Variants in NYAP2 observed in about 807,000 individuals in gnomAD.
The protein encoded by NYAP2 is neuronal tyrosine-phosphorylated phosphoinositide-3-kinase adapter 2.
In NYAP2, 23 loss-of-function variants were observed where a neutral mutation model predicts 50.4. That is an observed-to-expected ratio of 0.46 (90% confidence interval 0.33 to 0.65). The LOEUF is 0.65. Among genes scored for constraint, NYAP2 ranks in the 30% least tolerant of loss-of-function variants. The probability of loss-of-function intolerance (pLI) is 0.02; values close to 1 mark genes in which losing one functional copy is unlikely to be tolerated. For missense variants in NYAP2, 885 were observed against 861.0 expected (o/e 1.03, Z -0.35); for synonymous variants, 394 against 365.2 (o/e 1.08, Z -0.90).
Position 225,582,884 on chromosome 2 carries a change from C to T in NYAP2, c.1467C>T (p.Asn489=), listed in dbSNP as rs769528707. The stretch of plus-strand genomic sequence containing the variant: ...CGCAAGATGGGGCCAAGATGGTCAA[C>T]GCCGCGGTGAACACCTACGGGGCAG... Residue 489 remains asparagine (N), a synonymous_variant, in exon 5 of 7, where the codon AAC becomes AAT. Transcript: ENST00000636099. This position sits in a 1 kb window ranked among gnomAD's most constrained non-coding sequence, Gnocchi z 7.0. 1.9e-6 allele frequency: 3 copies of T among 1,613,648 alleles called. No homozygotes were observed. Among genetic ancestry groups the T allele is most frequent in the East Asian group, 2.2e-5 (1 of 44,878 alleles).
intron 4 of NYAP2, among the ~76,000 whole-genome samples, chr2:225,567,163 A>G (rs902843716): frequency 2.0e-5 from 3 of 152,158 alleles, no homozygotes; most frequent in African/African-American, 7.2e-5. Flanking sequence ...ATGGTAACAC[A>G]ATGGTAAGTA....
At chr2:225,526,044 A>G (rs1574658862) in intron 4 of NYAP2, among the ~76,000 whole-genome samples, 1 of 152,286 alleles carries the variant, frequency 6.6e-6, no homozygotes, top group Admixed American at 6.5e-5. Flanking sequence ...TCTGCCAACA[A>G]TGAGTGAGCC....
At chr2:225,555,463 C>T (rs1185127142) in intron 4 of NYAP2, among the ~76,000 whole-genome samples, 9 of 152,040 alleles carry the variant, frequency 5.9e-5, no homozygotes, top group Non-Finnish European at 1.3e-4. Flanking sequence ...TAGTGATAGT[C>T]TCAGGTTAAT....
chr2:225,530,492 T>C (rs1488277790), intron 4 of NYAP2, among the ~76,000 whole-genome samples: 1 of 152,202 alleles, frequency 6.6e-6, no homozygotes, highest in Non-Finnish European at 1.5e-5. Context: ...CCTCCATACT[T>C]CCTAAATCCC....
chr2:225,484,969 T>C (rs1262716689), intron 3 of NYAP2, among the ~76,000 whole-genome samples: 1 of 152,212 alleles, frequency 6.6e-6, no homozygotes, highest in Non-Finnish European at 1.5e-5. Context: ...AGAACCCCTG[T>C]GGGTAATTTT....
At chr2:225,491,607 C>T (rs1404694021) in intron 3 of NYAP2, among the ~76,000 whole-genome samples, 1 of 152,048 alleles carries the variant, frequency 6.6e-6, no homozygotes, top group Non-Finnish European at 1.5e-5. Flanking sequence ...GTACTATTTC[C>T]CCTCCTCCAA....
Position 225,582,979 on chromosome 2 carries a change from G to C in NYAP2, c.1562G>C (p.Gly521Ala). ...GAGCTGACCAGCCTCTTCTCCTCCG[G>C]CCGCAGCCTGCTGCGCAAGTCGTCC... Residue 521 changes from glycine (G) to alanine (A), a missense_variant, in exon 5 of 7, where the codon GGC becomes GCC. Transcript: ENST00000636099. This position sits in a 1 kb window ranked among gnomAD's most constrained non-coding sequence, Gnocchi z 7.0. The C allele has an allele frequency of 6.2e-7, 1 of 1,612,298 alleles. No individual in the cohort carries two copies. Among genetic ancestry groups the C allele is most frequent in the Non-Finnish European group, 8.5e-7 (1 of 1,179,624 alleles).
At chr2:225,504,890 C>T (rs1255103438) in intron 3 of NYAP2, among the ~76,000 whole-genome samples, 1 of 151,980 alleles carries the variant, frequency 6.6e-6, no homozygotes, top group Non-Finnish European at 1.5e-5. Flanking sequence ...TGCCTGTAAT[C>T]CCAGCTACTT....
At chr2:225,475,027 T>G (rs1343255620) in intron 3 of NYAP2, among the ~76,000 whole-genome samples, 2 of 152,246 alleles carry the variant, frequency 1.3e-5, no homozygotes, top group East Asian at 3.8e-4. Flanking sequence ...TCAGTATTTC[T>G]GTTTTCTAGA....
Position 225,494,906 on chromosome 2 carries a change from T to C in NYAP2, c.222-18465T>C, listed in dbSNP as rs190295527. 9.2e-5 allele frequency among the ~76,000 whole-genome samples: 14 copies of C among 152,250 alleles called. No homozygotes were observed. In the East Asian group the frequency reaches 1.9e-3, roughly 21 times the overall value. On this transcript the variant is annotated intron_variant, in intron 3 of 6. Transcript: ENST00000636099. ...GTTCAATATAAGATATAAAAAACTA[T>C]AGAGTTTATGTCTGTGTTTCTTACC... is the stretch of plus-strand genomic sequence containing the variant.
At chr2:225,429,949 G>A (rs1695341935) in intron 3 of NYAP2, among the ~76,000 whole-genome samples, 1 of 152,200 alleles carries the variant, frequency 6.6e-6, no homozygotes, top group African/African-American at 2.4e-5. Context: ...CACACACACA[G>A]CCTCCTGGTC....
chr2:225,446,120 G>A (rs1689550410), intron 3 of NYAP2, among the ~76,000 whole-genome samples: 1 of 151,466 alleles, frequency 6.6e-6, no homozygotes, highest in South Asian at 2.1e-4. Flanking sequence ...GGCGGAGGTT[G>A]CAGTGAGCCC....
chr2:225,499,479 AT>A (rs57859943), intron 3 of NYAP2, among the ~76,000 whole-genome samples: 5 of 149,662 alleles, frequency 3.3e-5, no homozygotes, highest in South Asian at 2.1e-4. Flanking sequence ...TTCCCGGCTA[AT>A]TTTTTTTTTG....
intron 3 of NYAP2, among the ~76,000 whole-genome samples, chr2:225,497,372 G>A (rs900197078): frequency 3.9e-5 from 6 of 152,260 alleles, no homozygotes; most frequent in East Asian, 1.9e-4. Context: ...CTTAAGTAGC[G>A]TCTTTAGTGA....
At chr2:225,619,344 C>T (rs1162625206) in intron 5 of NYAP2, among the ~76,000 whole-genome samples, 1 of 152,158 alleles carries the variant, frequency 6.6e-6, no homozygotes, top group Non-Finnish European at 1.5e-5. Context: ...ATAGTGCTGC[C>T]AGTTTTAAGA....
At chr2:225,623,745 G>T (rs1693163798) in intron 5 of NYAP2, among the ~76,000 whole-genome samples, 1 of 152,138 alleles carries the variant, frequency 6.6e-6, no homozygotes, top group African/African-American at 2.4e-5. Flanking sequence ...CAACATGCTT[G>T]CTCTATTTAA....
In NYAP2 at chr2:225,488,314, A is replaced by G. The variant is rs982429221; in HGVS notation, c.222-25057A>G. 2.0e-5 allele frequency among the ~76,000 whole-genome samples: 3 copies of G among 152,306 alleles called. No homozygotes were observed. The East Asian group carries it at 5.8e-4, about 29-fold the overall frequency. On this transcript the variant is annotated intron_variant, in intron 3 of 6. Transcript: ENST00000636099. The stretch of plus-strand genomic sequence containing the variant: ...ATTTTGTTTATTTAACTTAAGAAAA[A>G]AGTTAGACTGCTCATTTTATAAGCC...
chr2:225,506,274 T>G (rs1574648754), intron 3 of NYAP2, among the ~76,000 whole-genome samples: 1 of 152,176 alleles, frequency 6.6e-6, no homozygotes, highest in East Asian at 1.9e-4. Flanking sequence ...AATGCCTGCT[T>G]TCATGAATCT....
intron 4 of NYAP2, among the ~76,000 whole-genome samples, chr2:225,563,390 T>C (rs1691908056): frequency 6.6e-6 from 1 of 152,078 alleles, no homozygotes; most frequent in Non-Finnish European, 1.5e-5. Flanking sequence ...AAGAGCCTGG[T>C]GTTGGGAAAT....
Sources: allele counts gnomAD v4.1 joint callset (sites outside exome capture counted in the v4.1 genomes callset), GRCh38; gene constraint gnomAD v4.1.1; non-coding constraint Gnocchi (gnomAD v3.1); transcripts MANE v1.5; gene names NCBI Gene and HGNC (gene_info 2026-07-23, HGNC 2026-07-21).